The following ITGAM variants were observed in gnomAD, a reference collection of about 807,000 sequenced individuals.
The protein encoded by ITGAM is integrin alpha-M.
ITGAM carries 79 observed loss-of-function variants against 137.5 expected under a neutral mutation model. The observed-to-expected ratio is 0.57, with a 90% confidence interval of 0.48 to 0.69. The LOEUF is 0.69. ITGAM is among the 30% of genes least tolerant of loss of function. The probability of loss-of-function intolerance (pLI) is 0.00; values close to 1 mark genes in which losing one functional copy is unlikely to be tolerated. For missense variants in ITGAM, 1,343 were observed against 1,483.5 expected (o/e 0.91, Z 1.56); for synonymous variants, 583 against 592.3 (o/e 0.98, Z 0.23).
At chr16:31,266,276 G>A (rs1334306622) in intron 5 of ITGAM, 129 bp downstream of exon 5, 1 of 663,590 alleles carries the variant, frequency 1.5e-6, no homozygotes, top group East Asian at 2.7e-5. Context: ...TCCCATTAGA[G>A]TCAGAAGCTA....
At chr16:31,306,936 A>T (rs36001237) in intron 14 of ITGAM, among the ~76,000 whole-genome samples, 26,665 of 152,102 alleles carry the variant, frequency 0.18, 2,923 homozygotes, top group African/African-American at 0.3. Context: ...CTACATTTTC[A>T]ATATAATTAT....
intron 14 of ITGAM, among the ~76,000 whole-genome samples, chr16:31,299,593 G>C (rs1156524551): frequency 6.6e-6 from 1 of 152,156 alleles, no homozygotes; most frequent in Admixed American, 6.5e-5. Context: ...ACAGGTGTGA[G>C]CCACCGCACC....
chr16:31,323,819 C>G (rs1024412163), intron 16 of ITGAM, among the ~76,000 whole-genome samples: 3 of 152,026 alleles, frequency 2.0e-5, no homozygotes, highest in Non-Finnish European at 2.9e-5. Flanking sequence ...TTGAGACCAG[C>G]CTGGCTAACA....
chr16:31,302,438 T>TCTTC (rs2080210995), intron 14 of ITGAM, among the ~76,000 whole-genome samples: 6 of 106,980 alleles, frequency 5.6e-5, no homozygotes, highest in African/African-American at 7.5e-5. Context: ...CTTCTTTCTT[T>TCTTC]CTTTCTTTCT....
chr16:31,329,438 C>CT, intron 24 of ITGAM, 135 bp downstream of exon 24: 1 of 712,698 alleles, frequency 1.4e-6, no homozygotes, highest in East Asian at 2.7e-5. Flanking sequence ...GCTGCTATCA[C>CT]TCAGTATGCA....
In ITGAM at chr16:31,271,066, A is replaced by T. The variant is rs754050762; in HGVS notation, c.540A>T (p.Leu180Phe). Residue 180 changes from leucine to phenylalanine, a missense_variant, in exon 6 of 30, where the codon TTA becomes TTT. Coordinates refer to ENST00000544665, the MANE Select transcript of ITGAM (RefSeq NM_000632.4). ...KEFVSTVMEQLKKSKTLFSLM... is the reference protein window; with the variant it reads ...KEFVSTVMEQFKKSKTLFSLM... ...TTGTCTCAACTGTGATGGAGCAATT[A>T]AAAAAGTCCAAAACCTTGGTGAGGG... 3.8e-6 allele frequency: 6 copies of T among 1,573,462 alleles called. No individual in the cohort carries two copies. In the African/African-American group the frequency reaches 6.8e-5, roughly 18 times the overall value.
intron 14 of ITGAM, among the ~76,000 whole-genome samples, chr16:31,307,902 T>C (rs1181267337): frequency 2.0e-5 from 3 of 152,230 alleles, no homozygotes; most frequent in East Asian, 1.9e-4. Flanking sequence ...TCTATTGAGA[T>C]AATCATGCGG....
chr16:31,309,007 G>C (rs1357503763), intron 14 of ITGAM, among the ~76,000 whole-genome samples: 1 of 118,248 alleles, frequency 8.5e-6, no homozygotes, highest in African/African-American at 3.3e-5. Context: ...TTGCACTGTG[G>C]TCCGAGAGAC....
At position 31,325,597 on chromosome 16, in the gene ITGAM, A is replaced by G; in HGVS notation, c.2603A>G (p.His868Arg). 6.2e-7 allele frequency: 1 copy of G among 1,612,040 alleles called. No individual in the cohort carries two copies. The highest frequency in any genetic ancestry group is 1.1e-5 in the South Asian group (1 of 90,930). ...AAGAGCACCAGCTGCAGCATAAACC[A>G]CCCCATCTTCCCGGAAAACTCAGAG... ...ALKSTSCSIN[H>R]PIFPENSEVT... The change falls in exon 21 of 30, where the codon CAC becomes CGC. Residue 868 changes from histidine to arginine, a missense_variant. Transcript: ENST00000544665.
intron 12 of ITGAM, among the ~76,000 whole-genome samples, chr16:31,288,495 C>G (rs2080052222): frequency 1.3e-5 from 2 of 152,026 alleles, no homozygotes; most frequent in Admixed American, 1.3e-4. Context: ...CTGACAAAAA[C>G]AAGAAATGGG....
In ITGAM at chr16:31,302,827, G is replaced by A. The variant is rs936372774; in HGVS notation, c.1707+4873G>A. ...TGGGATTACAGGCGTGAGCCACCGC[G>A]CCCAGCTTTTTCTTTCTCTTTCTTT... On this transcript the variant is annotated intron_variant, in intron 14 of 29. Coordinates refer to ENST00000544665, the MANE Select transcript of ITGAM (RefSeq NM_000632.4). 2.6e-5 allele frequency among the ~76,000 whole-genome samples: 4 copies of A among 150,978 alleles called. No individual in the cohort carries two copies. In the East Asian group the frequency reaches 6.0e-4, roughly 23 times the overall value.
intron 12 of ITGAM, among the ~76,000 whole-genome samples, chr16:31,287,063 GT>G (rs1163719188): frequency 6.6e-6 from 1 of 152,140 alleles, no homozygotes; most frequent in Non-Finnish European, 1.5e-5. Context: ...TTTGTATAAG[GT>G]GTAAGGAAGG....
At chr16:31,267,028 C>T (rs958944818) in intron 5 of ITGAM, among the ~76,000 whole-genome samples, 4 of 152,110 alleles carry the variant, frequency 2.6e-5, no homozygotes, top group East Asian at 1.9e-4. Context: ...CCACCACACC[C>T]GGCTAATTTT....
At chr16:31,267,270 T>C (rs1373512276) in intron 5 of ITGAM, among the ~76,000 whole-genome samples, 2 of 152,170 alleles carry the variant, frequency 1.3e-5, no homozygotes, top group African/African-American at 2.4e-5. Flanking sequence ...ATGTTGATTC[T>C]GGGACCACAG....
chr16:31,267,941 G>A (rs1236493848), intron 5 of ITGAM, among the ~76,000 whole-genome samples: 2 of 152,106 alleles, frequency 1.3e-5, no homozygotes, highest in African/African-American at 4.8e-5. Flanking sequence ...ACTGCGCCTG[G>A]CCCAGCATCT....
At chr16:31,262,390 TCCTTCCTTCCTTC>T (rs2079714903) in intron 2 of ITGAM, among the ~76,000 whole-genome samples, 1 of 141,410 alleles carries the variant, frequency 7.1e-6, no homozygotes, top group Admixed American at 7.0e-5. Flanking sequence ...CTTCCTTCCT[TCCTTCCTTCCTTC>T]ATTTCTTTCT....
chr16:31,303,700 A>G (rs2080238606), intron 14 of ITGAM, among the ~76,000 whole-genome samples: 1 of 152,128 alleles, frequency 6.6e-6, no homozygotes. Flanking sequence ...GAAAACATAT[A>G]TTTAGTTTTC....
chr16:31,276,486 C>T lies in ITGAM; in HGVS notation c.1010-185C>T, dbSNP rs539444817. Reference sequence around the variant, plus strand: ...AGCTGGGATTACAGGCGCATACCACCACGCCCAGCTAATTTTTGTATTTTT... The same window carrying T: ...AGCTGGGATTACAGGCGCATACCACTACGCCCAGCTAATTTTTGTATTTTT... On this transcript the variant is annotated intron_variant, in intron 9 of 29. Coordinates refer to ENST00000544665, the MANE Select transcript of ITGAM (RefSeq NM_000632.4). 2.5e-3 allele frequency among the ~76,000 whole-genome samples: 378 copies of T among 152,234 alleles called. 2 individuals are homozygous for T. Among genetic ancestry groups the T allele is most frequent in the Non-Finnish European group, 2.7e-3 (182 of 68,020 alleles).
Position 31,330,435 on chromosome 16 carries a change from T to C in ITGAM, c.3174+14T>C, listed in dbSNP as rs1421215151. The C allele has an allele frequency of 1.1e-5, 17 of 1,612,164 alleles. No homozygotes were observed. Among genetic ancestry groups the C allele is most frequent in the Non-Finnish European group, 1.4e-5 (16 of 1,178,168 alleles). On this transcript the variant is annotated intron_variant, in intron 27 of 29. Transcript: ENST00000544665. ...TGGTACATCAAGGTGTGTGGGGTCC[T>C]GAGGCTTCGCCGGGCACAGGCGTGG... is the stretch of plus-strand genomic sequence containing the variant.
Sources: gnomAD v4.1 joint callset for allele counts (sites outside exome capture counted in the v4.1 genomes callset) on GRCh38, gnomAD v4.1.1 for gene constraint, MANE v1.5 for transcripts, NCBI Gene and HGNC (gene_info 2026-07-23, HGNC 2026-07-21) for gene names.